The following KCNIP4 variants were observed in gnomAD, a reference collection of about 807,000 sequenced individuals.
KCNIP4 encodes Kv channel-interacting protein 4.
A neutral mutation model predicts 34.0 loss-of-function variants in KCNIP4; 12 were observed. The observed-to-expected ratio is 0.35, with a 90% confidence interval of 0.23 to 0.57. The LOEUF (loss-of-function observed/expected upper bound fraction) is 0.57. Among genes scored for constraint, KCNIP4 ranks in the 20% least tolerant of loss-of-function variants. The pLI, the probability that KCNIP4 is intolerant of heterozygous loss-of-function variation, is 0.83. For missense variants in KCNIP4, 238 were observed against 311.7 expected (o/e 0.76, Z 1.78); for synonymous variants, 124 against 102.2 (o/e 1.21, Z -1.29).
Position 21,526,389 on chromosome 4 carries a change from T to A in KCNIP4, c.61+422182A>T, listed in dbSNP as rs540242837. ...CATGATTTTGAGGCCTCTCCAGCCA[T>A]GTGGAACTGGGAATCCATTAAACCT... On this transcript the variant is annotated intron_variant, in intron 1 of 8. Transcript: ENST00000382152. Among the ~76,000 whole-genome samples, 33 of 152,262 alleles carry A rather than the reference T, an allele frequency of 2.2e-4. No homozygotes were observed. The East Asian group carries it at 5.8e-3, about 27-fold the overall frequency.
intron 1 of KCNIP4, chr4:21,697,746 G>C (rs114466136): frequency 2.9e-6 from 3 of 1,020,318 alleles, no homozygotes; most frequent in Non-Finnish European, 3.6e-6. Context: ...GCTCTGGTTC[G>C]GCTCGGCATC....
At chr4:20,972,576 A>G (rs937210586) in intron 1 of KCNIP4, among the ~76,000 whole-genome samples, 5 of 152,206 alleles carry the variant, frequency 3.3e-5, no homozygotes, top group Non-Finnish European at 7.4e-5. Context: ...AAACCATGCT[A>G]TAAACAGATG....
At chr4:21,528,087 C>T (rs994947306) in intron 1 of KCNIP4, among the ~76,000 whole-genome samples, 3 of 152,102 alleles carry the variant, frequency 2.0e-5, no homozygotes, top group Non-Finnish European at 2.9e-5. Context: ...ATTTTATAAA[C>T]GATTAATGAA....
At chr4:21,670,874 T>C (rs909812189) in intron 1 of KCNIP4, among the ~76,000 whole-genome samples, 1 of 152,010 alleles carries the variant, frequency 6.6e-6, no homozygotes, top group African/African-American at 2.4e-5. Context: ...GCCAGGACGG[T>C]CTCGATCTCC....
rs1047327125 is a variant in KCNIP4, at chr4:21,394,964, G to A, written c.62-512255C>T. 7.3e-5 allele frequency among the ~76,000 whole-genome samples: 11 copies of A among 151,406 alleles called. No homozygotes were observed. The South Asian group carries it at 2.3e-3, about 32-fold the overall frequency. On this transcript the variant is annotated intron_variant, in intron 1 of 8. Transcript: ENST00000382152. ...AAAGCACTGGGCTCACAAGCACTGG[G>A]CTCACAAAGACTAAGCCACAATCCT...
chr4:21,243,718 G>A (rs563878680), intron 1 of KCNIP4, among the ~76,000 whole-genome samples: 1 of 152,134 alleles, frequency 6.6e-6, no homozygotes, highest in Non-Finnish European at 1.5e-5. Flanking sequence ...ATGTACTCTG[G>A]CTCTTCCATA....
intron 1 of KCNIP4, among the ~76,000 whole-genome samples, chr4:21,095,953 CTAATACA>C (rs1330523390): frequency 1.3e-5 from 2 of 152,076 alleles, no homozygotes; most frequent in African/African-American, 4.8e-5. Context: ...TGGACAAATC[CTAATACA>C]TAATGTATAT....
At chr4:20,928,682 T>A (rs1012033136) in intron 1 of KCNIP4, among the ~76,000 whole-genome samples, 1 of 151,848 alleles carries the variant, frequency 6.6e-6, no homozygotes, top group Non-Finnish European at 1.5e-5. Flanking sequence ...GAATTAGTTG[T>A]ATGGATAGGT....
intron 1 of KCNIP4, among the ~76,000 whole-genome samples, chr4:21,455,311 C>T (rs1433706791): frequency 6.6e-6 from 1 of 151,984 alleles, no homozygotes; most frequent in Non-Finnish European, 1.5e-5. Context: ...GGCAAGGACC[C>T]TAAAGGGCAT....
chr4:21,912,687 A>G (rs1728403424), intron 1 of KCNIP4, among the ~76,000 whole-genome samples: 1 of 152,122 alleles, frequency 6.6e-6, no homozygotes, highest in African/African-American at 2.4e-5. Context: ...GAAGGGTGGC[A>G]TAGCTTAAGG....
chr4:21,143,668 A>T (rs1382334923), intron 1 of KCNIP4, among the ~76,000 whole-genome samples: 1 of 151,818 alleles, frequency 6.6e-6, no homozygotes, highest in Non-Finnish European at 1.5e-5. Flanking sequence ...GGTGTTTTCA[A>T]TGGACCACTA....
intron 3 of KCNIP4, among the ~76,000 whole-genome samples, chr4:20,832,606 T>C (rs147655511): frequency 6.6e-6 from 1 of 151,884 alleles, no homozygotes; most frequent in Non-Finnish European, 1.5e-5. Flanking sequence ...ATAGGGAATA[T>C]ATTAAAAATG....
chr4:21,324,484 G>C (rs1714824189), intron 1 of KCNIP4, among the ~76,000 whole-genome samples: 1 of 151,926 alleles, frequency 6.6e-6, no homozygotes, highest in African/African-American at 2.4e-5. Flanking sequence ...AGCTTTCCCA[G>C]CACCATTTAT....
chr4:21,124,773 G>C (rs750387344), intron 1 of KCNIP4, among the ~76,000 whole-genome samples: 1 of 152,060 alleles, frequency 6.6e-6, no homozygotes, highest in East Asian at 1.9e-4. Context: ...ATTGACAACA[G>C]ATACCTGACC....
chr4:21,513,151 A>C (rs1734474321), intron 1 of KCNIP4, among the ~76,000 whole-genome samples: 1 of 152,226 alleles, frequency 6.6e-6, no homozygotes, highest in Non-Finnish European at 1.5e-5. Context: ...CTAACAGGAC[A>C]GCCCTGCTGT....
chr4:21,222,099 A>G (rs1458833585), intron 1 of KCNIP4, among the ~76,000 whole-genome samples: 1 of 152,226 alleles, frequency 6.6e-6, no homozygotes, highest in Non-Finnish European at 1.5e-5. Context: ...AGAAGTGACT[A>G]ACATTGAGTT....
intron 1 of KCNIP4, among the ~76,000 whole-genome samples, chr4:20,997,832 G>A (rs1737705694): frequency 6.6e-6 from 1 of 152,148 alleles, no homozygotes; most frequent in African/African-American, 2.4e-5. Flanking sequence ...CTAATGACTG[G>A]GGTCCTTTTA....
chr4:21,825,460 C>T (rs1016355572), intron 1 of KCNIP4, among the ~76,000 whole-genome samples: 15 of 151,990 alleles, frequency 9.9e-5, no homozygotes, highest in African/African-American at 3.4e-4. Flanking sequence ...AGGAAATTTC[C>T]ATCATAATGC....
intron 5 of KCNIP4, among the ~76,000 whole-genome samples, chr4:20,737,298 T>TG (rs11436210): frequency 0.51 from 77,178 of 151,914 alleles, 20,078 homozygotes; most frequent in African/African-American, 0.6. Flanking sequence ...TTCATTTTGC[T>TG]CCAAGGTTGG....
Sources: gnomAD v4.1 joint callset for allele counts (sites outside exome capture counted in the v4.1 genomes callset) on GRCh38, gnomAD v4.1.1 for gene constraint, MANE v1.5 for transcripts, NCBI Gene and HGNC (gene_info 2026-07-23, HGNC 2026-07-21) for gene names.